HSPA14: variants seen among roughly 807,000 people sequenced by gnomAD.
HSPA14 encodes the protein heat shock 70 kDa protein 14.
Under a neutral mutation model 65.5 loss-of-function variants are expected in HSPA14, and 37 were observed. The ratio of observed to expected loss-of-function variants is 0.56; its 90% confidence interval spans 0.43 to 0.74. The LOEUF is 0.74. HSPA14 is among the 30% of genes least tolerant of loss of function. HSPA14 has a pLI of 0.00. For missense variants in HSPA14, 564 were observed against 607.6 expected (o/e 0.93, Z 0.75); for synonymous variants, 203 against 214.2 (o/e 0.95, Z 0.46).
rs1834128748 is a variant in HSPA14 at position 14,854,158 on chromosome 10, A to G, written c.768A>G (p.Arg256=). 1 of 1,609,156 alleles carries G rather than the reference A, an allele frequency of 6.2e-7. No homozygotes were observed. Among genetic ancestry groups the G allele is most frequent in the Non-Finnish European group, 8.5e-7 (1 of 1,178,788 alleles). Residue 256 remains arginine (R), a synonymous_variant, in exon 9 of 14, where the codon CGA becomes CGG. Coordinates refer to ENST00000378372, the MANE Select transcript of HSPA14 (RefSeq NM_016299.4). ...AACATGATGTGAGAGGAAATGCGCG[A>G]GCCATGATGAAATTAACGAACAGTG... ...SFKHDVRGNA[R]AMMKLTNSAE...
At chr10:14,852,246 T>A in intron 7 of HSPA14, 124 bp from the exon 8 acceptor site, 1 of 751,234 alleles carries the variant, frequency 1.3e-6, no homozygotes, top group Non-Finnish European at 2.2e-6. Flanking sequence ...GACAACTTAG[T>A]TATTCACCTG....
At chr10:14,864,206 G>A (rs573239380) in intron 10 of HSPA14, among the ~76,000 whole-genome samples, 2 of 148,946 alleles carry the variant, frequency 1.3e-5, no homozygotes, top group South Asian at 4.3e-4. Context: ...CTCCAGCCCG[G>A]GTGACAGGGC....
intron 11 of HSPA14, 74 bp from the exon 12 acceptor site, chr10:14,867,662 A>C: frequency 7.6e-7 from 1 of 1,318,814 alleles, no homozygotes; most frequent in Non-Finnish European, 1.1e-6. Flanking sequence ...TATATATCTC[A>C]TTTATAATGG....
rs777367311 is a variant in HSPA14, at chr10:14,842,243, C to G, written c.221+2086C>G. ...CTTCCCCACACCTTCAGACTTGCAC[C>G]TTGCTGTCCAGAAGCTGCCTAGCCC... On this transcript the variant is annotated intron_variant, in intron 3 of 13. Transcript: ENST00000378372. The surrounding 1 kb of genome is among the most constrained non-coding windows in gnomAD (Gnocchi z 5.2). The G allele has an allele frequency of 1.3e-6, 2 of 1,535,402 alleles. No homozygotes were observed. Among genetic ancestry groups the G allele is most frequent in the Admixed American group, 3.9e-5 (2 of 50,982 alleles).
intron 10 of HSPA14, among the ~76,000 whole-genome samples, chr10:14,857,526 GTTTA>G (rs1473196852): frequency 6.6e-6 from 1 of 151,976 alleles, no homozygotes; most frequent in African/African-American, 2.4e-5. Flanking sequence ...TTTTTTAAAT[GTTTA>G]TTTAATTTTG....
chr10:14,850,694 T>C (rs1284120827), intron 6 of HSPA14: 2 of 152,276 alleles, frequency 1.3e-5, no homozygotes, highest in Non-Finnish European at 2.9e-5. Context: ...AGTTTTTGCA[T>C]AGGCATTTTT....
Position 14,867,702 on chromosome 10 carries a change from C to T in HSPA14, c.1207-34C>T, listed in dbSNP as rs750121528. 26 of 1,575,054 alleles carry T rather than the reference C, an allele frequency of 1.7e-5. No individual in the cohort carries two copies. The South Asian group carries it at 3.0e-4, about 18-fold the overall frequency. On this transcript the variant is annotated intron_variant, in intron 11 of 13. Coordinates refer to ENST00000378372, the MANE Select transcript of HSPA14 (RefSeq NM_016299.4). ...TTTTTTTCAATTGTAAAGATAAATA[C>T]CAAAGAGTATGCACCTTGTTTCCTG... is the stretch of plus-strand genomic sequence containing the variant.
intron 10 of HSPA14, among the ~76,000 whole-genome samples, chr10:14,857,223 A>T (rs1391612450): frequency 6.6e-6 from 1 of 152,230 alleles, no homozygotes; most frequent in Non-Finnish European, 1.5e-5. Flanking sequence ...CCTCCCCTGT[A>T]AGAGAATGAT....
intron 1 of HSPA14, among the ~76,000 whole-genome samples, 161 bp from the exon 2 acceptor site, chr10:14,839,744 T>C (rs1488577035): frequency 6.6e-6 from 1 of 152,208 alleles, no homozygotes; most frequent in Non-Finnish European, 1.5e-5. Context: ...TTATAGGCTT[T>C]CTATGAAAAC....
rs1833991469 is a variant in HSPA14 at position 14,842,784 on chromosome 10, T to C, written c.221+2627T>C. 20 of 1,536,390 alleles carry C rather than the reference T, an allele frequency of 1.3e-5. No individual in the cohort carries two copies. The highest frequency in any genetic ancestry group is 1.7e-5 in the Non-Finnish European group (19 of 1,146,962). On this transcript the variant is annotated intron_variant, in intron 3 of 13. Transcript: ENST00000378372. The surrounding 1 kb of genome is among the most constrained non-coding windows in gnomAD (Gnocchi z 5.2). ...TCAGATGAGGATTGTCAGCTAAGAA[T>C]CAGTGACCGGATACGAGAAACCAGT...
Position 14,842,927 on chromosome 10 carries a change from C to T in HSPA14, c.221+2770C>T. 1 of 1,016,186 alleles carries T rather than the reference C, an allele frequency of 9.8e-7. No individual in the cohort carries two copies. The highest frequency in any genetic ancestry group is 1.4e-6 in the Non-Finnish European group (1 of 711,504). 62.9% of individuals were successfully genotyped at this position (1,016,186 alleles called of 1,614,324 possible). On this transcript the variant is annotated intron_variant, in intron 3 of 13. Coordinates refer to ENST00000378372, the MANE Select transcript of HSPA14 (RefSeq NM_016299.4). This position sits in a 1 kb window ranked among gnomAD's most constrained non-coding sequence, Gnocchi z 5.2. The stretch of plus-strand genomic sequence containing the variant: ...TTAGCTGTGTCTGTTTGGATAGTGT[C>T]CTCTTCAGCATAGTTCCTGTTTCTG...
At chr10:14,841,555 A>G (rs1014963706) in intron 3 of HSPA14, among the ~76,000 whole-genome samples, 3 of 152,224 alleles carry the variant, frequency 2.0e-5, no homozygotes, top group African/African-American at 7.2e-5. Context: ...GATATAGTCC[A>G]GATACAGAAC....
In HSPA14 at chr10:14,871,700, A is replaced by C. The variant is rs538307773; in HGVS notation, c.*94A>C. ...TTGTATTAAAATACTTTTTCAATGA[A>C]CTGTATAAACTATGTTTTATTAAAC... On this transcript the variant is annotated 3_prime_UTR_variant, in exon 14 of 14. Coordinates refer to ENST00000378372, the MANE Select transcript of HSPA14 (RefSeq NM_016299.4). 1 of 618,832 alleles carries C rather than the reference A, an allele frequency of 1.6e-6. No homozygotes were observed. Among genetic ancestry groups the C allele is most frequent in the East Asian group, 3.0e-5 (1 of 33,292 alleles). The allele number at this position is 618,832 out of a possible 1,614,324, so 38.3% of individuals were successfully genotyped here.
intron 1 of HSPA14, 173 bp downstream of exon 1, chr10:14,838,632 C>A (rs1319931752): frequency 6.6e-6 from 4 of 601,522 alleles, no homozygotes; most frequent in Non-Finnish European, 1.1e-5. Flanking sequence ...TCGCGCCTGG[C>A]GATTCCTCCG....
Position 14,867,849 on chromosome 10 carries a change from C to A in HSPA14, c.1320C>A (p.Cys440Ter). The A allele has an allele frequency of 6.2e-7, 1 of 1,614,096 alleles. No individual in the cohort carries two copies. The highest frequency in any genetic ancestry group is 8.5e-7 in the Non-Finnish European group (1 of 1,180,006). The stretch of plus-strand genomic sequence containing the variant: ...CCCCTGGAAGCATATCTTCAGTGTG[C>A]CTTGAACTCTATGAGTCTGATGGGA... ...LQAPGSISSV[C>*]LELYESDGKN... Residue 440 changes from cysteine to a stop codon, truncating the protein, a stop_gained, in exon 12 of 14, where the codon TGC becomes TGA. Coordinates refer to ENST00000378372, the MANE Select transcript of HSPA14 (RefSeq NM_016299.4). LOFTEE classifies it high-confidence loss of function.
chr10:14,849,497 G>T (rs1834091235), intron 5 of HSPA14: 2 of 630,804 alleles, frequency 3.2e-6, no homozygotes, highest in South Asian at 1.5e-5. Context: ...TAAGAGCCAG[G>T]CTGTTTGGAA....
intron 3 of HSPA14, chr10:14,847,110 G>A: frequency 2.5e-6 from 2 of 789,094 alleles, no homozygotes; most frequent in Non-Finnish European, 3.1e-6. Flanking sequence ...AGCCCTCGGA[G>A]CTATATGTGC....
At chr10:14,844,341 G>A (rs1272959349) in intron 3 of HSPA14, 23 of 1,033,430 alleles carry the variant, frequency 2.2e-5, no homozygotes, top group Non-Finnish European at 2.6e-5. Context: ...GGCCTTGGCT[G>A]AGGTAAGGCA....
intron 3 of HSPA14, chr10:14,847,102 C>A: frequency 1.2e-6 from 1 of 864,258 alleles, no homozygotes; most frequent in Non-Finnish European, 1.4e-6. Context: ...ATGTCTGCAG[C>A]CCTCGGAGCT....
Sources: allele counts gnomAD v4.1 joint callset (sites outside exome capture counted in the v4.1 genomes callset), GRCh38; gene constraint gnomAD v4.1.1; non-coding constraint Gnocchi (gnomAD v3.1); transcripts MANE v1.5; gene names NCBI Gene and HGNC (gene_info 2026-07-23, HGNC 2026-07-21).